Variants in SLC6A6 observed in about 807,000 individuals in gnomAD.
SLC6A6 encodes the protein solute carrier family 6 member 6.
Under a neutral mutation model 68.8 loss-of-function variants are expected in SLC6A6, and 16 were observed. That is an observed-to-expected ratio of 0.23 (90% confidence interval 0.16 to 0.35). The LOEUF (loss-of-function observed/expected upper bound fraction) is 0.35, where lower values mean the gene tolerates loss of function less well. Ranked by LOEUF, SLC6A6 falls within the 10% of genes least tolerant of loss-of-function variation. The pLI, the probability that SLC6A6 is intolerant of heterozygous loss-of-function variation, is 1.00. For synonymous variants in SLC6A6, 312 were observed against 315.4 expected (o/e 0.99, Z 0.12); for missense variants, 474 against 802.8 (o/e 0.59, Z 4.95).
chr3:14,463,610 G>C (rs926696484), intron 6 of SLC6A6, among the ~76,000 whole-genome samples: 1 of 152,264 alleles, frequency 6.6e-6, no homozygotes, highest in Non-Finnish European at 1.5e-5. Context: ...ACTGGTCGGG[G>C]CGCCTGGCCG....
intron 2 of SLC6A6, among the ~76,000 whole-genome samples, chr3:14,420,774 G>A (rs987974051): frequency 2.6e-5 from 4 of 152,134 alleles, no homozygotes; most frequent in Non-Finnish European, 4.4e-5. Context: ...ATGAGCCACC[G>A]CGCCCAGCCT....
chr3:14,402,604 C>G, upstream of SLC6A6: 1 of 397,896 alleles, frequency 2.5e-6, no homozygotes, highest in Non-Finnish European at 4.4e-6. This position sits in a 1 kb window ranked among gnomAD's most constrained non-coding sequence, Gnocchi z 4.8. Context: ...ATGGGTGATG[C>G]TGAGAGCTGC....
intron 1 of SLC6A6, among the ~76,000 whole-genome samples, chr3:14,406,550 A>G (rs943249504): frequency 1.3e-5 from 2 of 152,164 alleles, no homozygotes; most frequent in African/African-American, 4.8e-5. Context: ...GAAGGCCTGG[A>G]CATGCTATTT....
chr3:14,428,907 G>A (rs1373914554), intron 2 of SLC6A6, among the ~76,000 whole-genome samples: 1 of 152,202 alleles, frequency 6.6e-6, no homozygotes, highest in Non-Finnish European at 1.5e-5. Context: ...AGTGAGGGGA[G>A]CCCCTAAGTC....
rs1701017746 is a variant in SLC6A6, at chr3:14,481,898, G to T, written c.1722+57G>T. On this transcript the variant is annotated intron_variant, in intron 14 of 14. Coordinates refer to ENST00000622186, the MANE Select transcript of SLC6A6 (RefSeq NM_003043.6). This position sits in a 1 kb window ranked among gnomAD's most constrained non-coding sequence, Gnocchi z 4.7. ...GGGAGGCGCGAGGCCAAAGGTGATTGTTGTCAGTTTGCTGCGTGATCTCAG... is the reference window on the plus strand; with the variant it reads ...GGGAGGCGCGAGGCCAAAGGTGATTTTTGTCAGTTTGCTGCGTGATCTCAG... The T allele has an allele frequency of 6.1e-6, 9 of 1,480,224 alleles. No individual in the cohort carries two copies. Among genetic ancestry groups the T allele is most frequent in the Non-Finnish European group, 7.5e-6 (8 of 1,070,856 alleles). The allele number at this position is 1,480,224 out of a possible 1,614,324, so 91.7% of individuals were successfully genotyped here. A position where few individuals can be genotyped will look rare whatever the true frequency, so the allele number is the denominator to read the frequency against.
chr3:14,478,977 T>C (rs1700946087), intron 12 of SLC6A6, 108 bp from the exon 13 acceptor site: 1 of 712,628 alleles, frequency 1.4e-6, no homozygotes, highest in Non-Finnish European at 2.6e-6. Flanking sequence ...ATCCATGGTG[T>C]GGAGATGCAG....
chr3:14,469,914 C>G (rs1700713067), intron 9 of SLC6A6, among the ~76,000 whole-genome samples: 1 of 152,182 alleles, frequency 6.6e-6, no homozygotes, highest in Non-Finnish European at 1.5e-5. Flanking sequence ...GTTCCCTCCA[C>G]TGAGCCCAAA....
chr3:14,410,176 CAAAAAAA>C (rs145587348), intron 1 of SLC6A6, among the ~76,000 whole-genome samples: 1 of 60,726 alleles, frequency 1.6e-5, no homozygotes, highest in African/African-American at 5.1e-5. Flanking sequence ...GACTCCATCT[CAAAAAAA>C]AAAAAAAAAA....
intron 6 of SLC6A6, among the ~76,000 whole-genome samples, chr3:14,465,146 C>T (rs2124977277): frequency 6.6e-6 from 1 of 152,354 alleles, no homozygotes; most frequent in Middle Eastern, 3.4e-3. Flanking sequence ...TTCAGCCAGG[C>T]ACCTTCGAAC....
chr3:14,421,045 C>G (rs1409138059), intron 2 of SLC6A6, among the ~76,000 whole-genome samples: 1 of 152,200 alleles, frequency 6.6e-6, no homozygotes, highest in Non-Finnish European at 1.5e-5. Context: ...ATCATTGACC[C>G]CGCAGGGGTT....
chr3:14,469,466 T>C (rs938979572), intron 9 of SLC6A6, among the ~76,000 whole-genome samples: 3 of 152,192 alleles, frequency 2.0e-5, no homozygotes, highest in African/African-American at 4.8e-5. Flanking sequence ...GCCCTAGCAC[T>C]GGGGGGTCAG....
At chr3:14,469,846 G>A (rs749585419) in intron 9 of SLC6A6, among the ~76,000 whole-genome samples, 1 of 152,046 alleles carries the variant, frequency 6.6e-6, no homozygotes, top group Non-Finnish European at 1.5e-5. Flanking sequence ...AAATCCACAT[G>A]TCACCCCCAC....
At position 14,479,209 on chromosome 3, in the gene SLC6A6, G is replaced by A. The variant is rs767308985; in HGVS notation, c.1551+24G>A. 2.8e-5 allele frequency: 40 copies of A among 1,443,180 alleles called. No homozygotes were observed. In the East Asian group the frequency reaches 7.5e-4, roughly 27 times the overall value. The allele number at this position is 1,443,180 out of a possible 1,614,324, so 89.4% of individuals were successfully genotyped here. On this transcript the variant is annotated intron_variant, in intron 13 of 14. Coordinates refer to ENST00000622186, the MANE Select transcript of SLC6A6 (RefSeq NM_003043.6). ...TTGTGAGTTCCATTTCTGTGGCTCT[G>A]GCTGGTGGCCTCTTCTCCCTGGGGC...
At chr3:14,411,999 G>A (rs1411754422) in intron 1 of SLC6A6, among the ~76,000 whole-genome samples, 3 of 152,252 alleles carry the variant, frequency 2.0e-5, no homozygotes, top group Non-Finnish European at 4.4e-5. Context: ...CTGTCCTCTG[G>A]CTTGCTCTGT....
chr3:14,422,721 C>A (rs1019985754), intron 2 of SLC6A6, among the ~76,000 whole-genome samples: 2 of 152,228 alleles, frequency 1.3e-5, no homozygotes, highest in Non-Finnish European at 2.9e-5. Context: ...TTGGCTCCCA[C>A]CTCCAAATCC....
Position 14,485,159 on chromosome 3 carries a change from C to CGTGTGT in SLC6A6, c.*165_*170dup, listed in dbSNP as rs113673472. ...ATGTAATTGTGGGTATGTGTGCGTG[C>CGTGTGT]GTGTGTGTGTGTGTGTGTATCGTGT... On this transcript the variant is annotated 3_prime_UTR_variant, in exon 15 of 15. Transcript: ENST00000622186. 0.038 allele frequency: 17,687 copies of CGTGTGT among 462,882 alleles called. 273 individuals carry two copies. Among genetic ancestry groups the CGTGTGT allele is most frequent in the African/African-American group, 0.068 (3,219 of 47,544 alleles). 28.7% of individuals were successfully genotyped at this position (462,882 alleles called of 1,614,324 possible). A position where few individuals can be genotyped will look rare whatever the true frequency, so the allele number is the denominator to read the frequency against.
intron 2 of SLC6A6, among the ~76,000 whole-genome samples, chr3:14,418,509 G>T (rs985229044): frequency 6.6e-6 from 1 of 152,126 alleles, no homozygotes; most frequent in South Asian, 2.1e-4. Context: ...CACTGGGCAG[G>T]CATGGAGGTG....
At position 14,402,797 on chromosome 3, in the gene SLC6A6, C is replaced by T. The variant is rs1333139235; in HGVS notation, c.-104C>T. On this transcript the variant is annotated 5_prime_UTR_variant, in exon 1 of 15. Transcript: ENST00000622186. This position sits in a 1 kb window ranked among gnomAD's most constrained non-coding sequence, Gnocchi z 4.8. ...GAGCGGGCAGGCAGCCCCCGGCCGG[C>T]GGAACCCGGCACAGCCGAGCAGAGC... The T allele has an allele frequency of 1.5e-5, 6 of 397,864 alleles. No homozygotes were observed. Among genetic ancestry groups the T allele is most frequent in the Non-Finnish European group, 2.2e-5 (5 of 225,632 alleles). The allele number at this position is 397,864 out of a possible 1,614,324, so 24.6% of individuals were successfully genotyped here. A position where few individuals can be genotyped will look rare whatever the true frequency, so the allele number is the denominator to read the frequency against.
At chr3:14,433,055 C>G (rs199800452) in intron 2 of SLC6A6, among the ~76,000 whole-genome samples, 1 of 152,006 alleles carries the variant, frequency 6.6e-6, no homozygotes, top group East Asian at 1.9e-4. Context: ...TTTAACAAAA[C>G]GAGCCCCTCC....
Sources: allele counts gnomAD v4.1 joint callset (sites outside exome capture counted in the v4.1 genomes callset), GRCh38; gene constraint gnomAD v4.1.1; non-coding constraint Gnocchi (gnomAD v3.1); transcripts MANE v1.5; gene names NCBI Gene and HGNC (gene_info 2026-07-23, HGNC 2026-07-21).